The following NCKAP5 variants were observed in gnomAD, a reference collection of about 807,000 sequenced individuals.
The protein encoded by NCKAP5 is nck-associated protein 5.
In NCKAP5, 92 loss-of-function variants were observed where a neutral mutation model predicts 167.0. That is an observed-to-expected ratio of 0.55 (90% CI 0.47 to 0.66). NCKAP5 has a LOEUF of 0.66. NCKAP5 is among the 30% of genes least tolerant of loss of function. The pLI, the probability that NCKAP5 is intolerant of heterozygous loss-of-function variation, is 0.00. For missense variants in NCKAP5, 2,378 were observed against 2,315.0 expected, an observed-to-expected ratio of 1.03 and a Z score of -0.56; for synonymous variants, 891 against 877.4, an observed-to-expected ratio of 1.02 and a Z score of -0.27.
chr2:132,970,019 G>A (rs1362170866), intron 7 of NCKAP5, among the ~76,000 whole-genome samples: 3 of 152,188 alleles, frequency 2.0e-5, no homozygotes, highest in East Asian at 3.9e-4. Flanking sequence ...AAGTGAATGA[G>A]CAAAAGAAAC....
intron 8 of NCKAP5, among the ~76,000 whole-genome samples, chr2:132,952,406 A>C (rs2076214656): frequency 6.6e-6 from 1 of 152,168 alleles, no homozygotes; most frequent in Admixed American, 6.5e-5. Flanking sequence ...ATTTCTAATA[A>C]GCTTCTACCT....
chr2:132,954,355 A>T (rs1226441652), intron 8 of NCKAP5, among the ~76,000 whole-genome samples: 3 of 152,198 alleles, frequency 2.0e-5, no homozygotes. Context: ...TGCTGCCTCC[A>T]TCAGCTTCAT....
chr2:133,582,111 G>A, the NCKAP5 span, among the ~76,000 whole-genome samples: 1 of 152,182 alleles, frequency 6.6e-6, no homozygotes. Flanking sequence ...TTCATAGCAG[G>A]TGGGAATTCA....
At chr2:133,125,365 G>A (rs1210389606) in intron 6 of NCKAP5, among the ~76,000 whole-genome samples, 1 of 151,946 alleles carries the variant, frequency 6.6e-6, no homozygotes, top group Non-Finnish European at 1.5e-5. Context: ...ATAAATCCAG[G>A]GGTCCAAACA....
At position 132,725,620 on chromosome 2, in the gene NCKAP5, T is replaced by C; in HGVS notation, c.5713+7A>G. 1.2e-6 allele frequency: 2 copies of C among 1,604,626 alleles called. No individual in the cohort carries two copies. The highest frequency in any genetic ancestry group is 1.7e-6 in the Non-Finnish European group (2 of 1,176,652). On this transcript the variant is annotated splice_region_variant and intron_variant, in intron 19 of 19. Coordinates refer to ENST00000409261, the MANE Select transcript of NCKAP5 (RefSeq NM_207363.3). ...CCTGCAGGGCCAGCAAGTTCGCTGG[T>C]TGTTACCTGGGGCAGCGCTCTTCAG...
intron 3 of NCKAP5, among the ~76,000 whole-genome samples, chr2:133,417,099 TC>T (rs1459560282): frequency 1.3e-5 from 2 of 150,838 alleles, no homozygotes; most frequent in Non-Finnish European, 2.9e-5. Flanking sequence ...AAAATATCTT[TC>T]TTTTTTGCCC....
At chr2:133,651,186 A>G in the NCKAP5 span, among the ~76,000 whole-genome samples, 1 of 152,232 alleles carries the variant, frequency 6.6e-6, no homozygotes, top group Non-Finnish European at 1.5e-5. Context: ...TCTGCATAAC[A>G]AAACAATCAA....
chr2:133,379,943 C>G (rs1686403210), intron 3 of NCKAP5, among the ~76,000 whole-genome samples: 1 of 152,026 alleles, frequency 6.6e-6, no homozygotes, highest in African/African-American at 2.4e-5. Context: ...GATGTATGTA[C>G]ATAATTGGAA....
chr2:133,164,425 C>A (rs2083920804), intron 5 of NCKAP5, among the ~76,000 whole-genome samples: 4 of 152,156 alleles, frequency 2.6e-5, no homozygotes, highest in Admixed American at 6.5e-5. Context: ...GTTGTTCACT[C>A]CTGGGTACCT....
intron 5 of NCKAP5, among the ~76,000 whole-genome samples, chr2:133,144,014 G>A (rs935680480): frequency 6.6e-6 from 1 of 151,996 alleles, no homozygotes; most frequent in Non-Finnish European, 1.5e-5. Flanking sequence ...CCCTTTCCAG[G>A]ACCTTGTTAG....
At chr2:133,178,983 T>C (rs534093381) in intron 5 of NCKAP5, among the ~76,000 whole-genome samples, 2 of 151,914 alleles carry the variant, frequency 1.3e-5, no homozygotes, top group African/African-American at 2.4e-5. Flanking sequence ...CTGCGTAACA[T>C]AGGGAGACCT....
chr2:133,058,877 A>G (rs565207582), intron 6 of NCKAP5, among the ~76,000 whole-genome samples: 11 of 152,328 alleles, frequency 7.2e-5, no homozygotes, highest in African/African-American at 2.4e-4. Context: ...GTCAACTGAT[A>G]TAGCAAACTT....
chr2:133,103,925 ACT>A lies in NCKAP5; in HGVS notation c.341+26051_341+26052del, dbSNP rs533073221. 7.9e-5 allele frequency among the ~76,000 whole-genome samples: 12 copies of A among 152,060 alleles called. No individual in the cohort carries two copies. The South Asian group carries it at 2.5e-3, about 32-fold the overall frequency. ...GCACTAAAAAGGCAAATGAGAAATAACTCTATCTTCTTAGGTAATCATGGTAC... is the reference window on the plus strand; with the variant it reads ...GCACTAAAAAGGCAAATGAGAAATAACTATCTTCTTAGGTAATCATGGTAC... On this transcript the variant is annotated intron_variant, in intron 6 of 19. Coordinates refer to ENST00000409261, the MANE Select transcript of NCKAP5 (RefSeq NM_207363.3).
intron 3 of NCKAP5, among the ~76,000 whole-genome samples, chr2:133,489,046 G>A (rs756379101): frequency 2.0e-5 from 3 of 152,200 alleles, no homozygotes; most frequent in Non-Finnish European, 2.9e-5. Context: ...CCATGATCGT[G>A]CCACTGCACT....
At chr2:133,628,909 G>T in the NCKAP5 span, among the ~76,000 whole-genome samples, 1 of 152,162 alleles carries the variant, frequency 6.6e-6, no homozygotes, top group Non-Finnish European at 1.5e-5. Context: ...GTCAGTAAAT[G>T]GTGCTGGGAG....
intron 3 of NCKAP5, among the ~76,000 whole-genome samples, chr2:133,482,807 TA>T (rs1055057096): frequency 3.3e-5 from 5 of 152,090 alleles, no homozygotes; most frequent in Admixed American, 1.3e-4. Flanking sequence ...CAACATCTGT[TA>T]TTTTTTTTTC....
At position 133,208,263 on chromosome 2, in the gene NCKAP5, C is replaced by T. The variant is rs183325455; in HGVS notation, c.207+5453G>A. ...CTGAGGTGGTAGAAACTCTTGAGCC[C>T]GGCAGGAGAGGCTGCAGAGAGCTGA... On this transcript the variant is annotated intron_variant, in intron 5 of 19. Coordinates refer to ENST00000409261, the MANE Select transcript of NCKAP5 (RefSeq NM_207363.3). Among the ~76,000 whole-genome samples, 213 of 152,100 alleles carry T rather than the reference C, an allele frequency of 1.4e-3. 1 individual carries two copies. Among genetic ancestry groups the T allele is most frequent in the Admixed American group, 4.4e-3 (67 of 15,264 alleles).
rs1182207110 is a variant in NCKAP5, at chr2:132,789,560, G to A, written c.1092+463C>T. Among the ~76,000 whole-genome samples, 9 of 152,228 alleles carry A rather than the reference G, an allele frequency of 5.9e-5. No individual in the cohort carries two copies. In the South Asian group the frequency reaches 8.3e-4, roughly 14 times the overall value. ...AAATGACCTCCAAATACTCTGATCC[G>A]GGGTTTCTATTCTTGTGTGCTCTTT... On this transcript the variant is annotated intron_variant, in intron 13 of 19. Transcript: ENST00000409261.
chr2:132,957,267 A>G (rs1482285930), intron 8 of NCKAP5, among the ~76,000 whole-genome samples: 2 of 152,188 alleles, frequency 1.3e-5, no homozygotes, highest in Non-Finnish European at 2.9e-5. Context: ...AGTTGCTAAA[A>G]CCAAAGAACT....
Sources: allele counts gnomAD v4.1 joint callset (sites outside exome capture counted in the v4.1 genomes callset), GRCh38; gene constraint gnomAD v4.1.1; transcripts MANE v1.5; gene names NCBI Gene and HGNC (gene_info 2026-07-23, HGNC 2026-07-21).